SCARA5: variants seen among roughly 807,000 people sequenced by gnomAD.
The protein encoded by SCARA5 is scavenger receptor class A member 5.
A neutral mutation model predicts 46.3 loss-of-function variants in SCARA5; 45 were observed. That is an observed-to-expected ratio of 0.97 (90% CI 0.76 to 1.24). SCARA5 has a LOEUF of 1.24. Among genes scored for constraint, SCARA5 ranks in the 50% most tolerant of loss-of-function variants. The probability of loss-of-function intolerance (pLI) is 0.00; values close to 1 mark genes in which losing one functional copy is unlikely to be tolerated. For synonymous variants in SCARA5, 333 were observed against 306.5 expected, an observed-to-expected ratio of 1.09 and a Z score of -0.90; for missense variants, 680 against 689.0, an observed-to-expected ratio of 0.99 and a Z score of 0.15.
intron 3 of SCARA5, among the ~76,000 whole-genome samples, chr8:27,923,261 C>A (rs1288375849): frequency 6.6e-6 from 1 of 152,222 alleles, no homozygotes; most frequent in South Asian, 2.1e-4. Flanking sequence ...ATTTTCTGGC[C>A]TCCTGAGTTC....
intron 3 of SCARA5, among the ~76,000 whole-genome samples, chr8:27,961,139 C>A (rs1253178428): frequency 3.9e-5 from 6 of 152,156 alleles, no homozygotes; most frequent in Non-Finnish European, 8.8e-5. Flanking sequence ...GTGGTAATAC[C>A]AATGCCAGCA....
rs1338638980 is a variant in SCARA5, at chr8:27,872,061, C to T, written c.1361G>A (p.Arg454Lys). 1.9e-6 allele frequency: 3 copies of T among 1,614,100 alleles called. No individual in the cohort carries two copies. The highest frequency in any genetic ancestry group is 1.3e-5 in the African/African-American group (1 of 74,936). Residue 454 changes from arginine to lysine, a missense_variant, in exon 9 of 9, where the codon AGG (arginine) becomes AAG (lysine). Around this residue, in one of 3 missense-constraint regions of SCARA5, gnomAD observed 219 missense variants for 269.5 expected, o/e 0.81. Coordinates refer to ENST00000354914, the MANE Select transcript of SCARA5 (RefSeq NM_173833.6). ...GCAGGCAACGTCATCCATCCAGATC[C>T]TCCCAGTGCCTGTGGAGACAGGGAA... ...RTARFGQGTG[R>K]IWMDDVACKG... is the part of the protein sequence containing the mutation.
intron 8 of SCARA5, among the ~76,000 whole-genome samples, chr8:27,877,604 CT>C (rs11341393): frequency 0.082 from 12,533 of 152,204 alleles, 1,116 homozygotes; most frequent in African/African-American, 0.23. Context: ...AGGAAGAAGC[CT>C]TCTTCGGAGC....
intron 3 of SCARA5, among the ~76,000 whole-genome samples, chr8:27,950,886 A>AAAAT (rs939184728): frequency 7.2e-5 from 11 of 152,078 alleles, no homozygotes; most frequent in African/African-American, 2.4e-4. Flanking sequence ...TGGGAAAAAA[A>AAAAT]AAAAAAGGTC....
intron 3 of SCARA5, 54 bp from the exon 4 acceptor site, chr8:27,922,299 G>A: frequency 2.2e-6 from 3 of 1,349,332 alleles, no homozygotes; most frequent in East Asian, 2.6e-5. Flanking sequence ...AAGGCCCCGG[G>A]TGACAAGAGG....
At position 27,910,083 on chromosome 8, in the gene SCARA5, G is replaced by T. The variant is rs1807348451; in HGVS notation, c.917-340C>A. The T allele has an allele frequency of 2.4e-5, 5 of 211,576 alleles. No individual in the cohort carries two copies. The South Asian group carries it at 6.5e-4, about 28-fold the overall frequency. The allele number at this position is 211,576 out of a possible 1,614,324, so 13.1% of individuals were successfully genotyped here. A position where few individuals can be genotyped will look rare whatever the true frequency, so the allele number is the denominator to read the frequency against. On this transcript the variant is annotated intron_variant, in intron 4 of 8. Transcript: ENST00000354914. ...ACAGTTTTAAGAGGTGGGGTCTTTG[G>T]GAGGTGATGAGGTTTTGATGAAGTC...
At chr8:27,942,387 G>C (rs1807964987) in intron 3 of SCARA5, among the ~76,000 whole-genome samples, 2 of 152,138 alleles carry the variant, frequency 1.3e-5, no homozygotes, top group Non-Finnish European at 2.9e-5. Flanking sequence ...AAGAGATCCA[G>C]AACGCTGTTC....
intron 2 of SCARA5, among the ~76,000 whole-genome samples, chr8:27,972,755 TAA>T (rs1808466268): frequency 6.6e-6 from 1 of 152,054 alleles, no homozygotes; most frequent in Non-Finnish European, 1.5e-5. Context: ...TCCTAGCTAC[TAA>T]AGAGACTGAG....
At chr8:27,907,348 CTCTTAGCCTCTGTG>C in intron 5 of SCARA5, 102 bp from the exon 6 acceptor site, 1 of 724,054 alleles carries the variant, frequency 1.4e-6, no homozygotes, top group South Asian at 1.9e-5. Context: ...CATGCATCCT[CTCTTAGCCTCTGTG>C]TCTGGCTTTT....
intron 4 of SCARA5, among the ~76,000 whole-genome samples, chr8:27,914,456 C>T (rs987704728): frequency 6.6e-6 from 1 of 152,216 alleles, no homozygotes; most frequent in Non-Finnish European, 1.5e-5. Flanking sequence ...GACCTCTGCC[C>T]ACTCCCTGGG....
At chr8:27,951,966 C>G (rs777316444) in intron 3 of SCARA5, among the ~76,000 whole-genome samples, 15 of 152,034 alleles carry the variant, frequency 9.9e-5, no homozygotes, top group Non-Finnish European at 1.0e-4. Flanking sequence ...GGATAGTGTC[C>G]CCTGCAAACT....
intron 3 of SCARA5, among the ~76,000 whole-genome samples, chr8:27,953,791 T>G (rs893058919): frequency 6.6e-6 from 1 of 152,104 alleles, no homozygotes; most frequent in Non-Finnish European, 1.5e-5. Context: ...TAGAAAAACA[T>G]TGTATGGGAA....
chr8:27,946,631 A>T (rs1166481693), intron 3 of SCARA5, among the ~76,000 whole-genome samples: 1 of 152,182 alleles, frequency 6.6e-6, no homozygotes, highest in Non-Finnish European at 1.5e-5. Context: ...GTAAGAGACA[A>T]CCCAGCCAGC....
intron 7 of SCARA5, among the ~76,000 whole-genome samples, chr8:27,902,577 C>T (rs1404334870): frequency 1.3e-5 from 2 of 152,198 alleles, no homozygotes; most frequent in East Asian, 1.9e-4. Flanking sequence ...CTCTGGCATG[C>T]GGGCAGTGTT....
At chr8:27,893,942 G>A (rs1348265944) in intron 7 of SCARA5, among the ~76,000 whole-genome samples, 1 of 152,224 alleles carries the variant, frequency 6.6e-6, no homozygotes, top group African/African-American at 2.4e-5. Flanking sequence ...TTCCAAGGCT[G>A]GGGTAACCTC....
intron 4 of SCARA5, among the ~76,000 whole-genome samples, chr8:27,920,296 C>A (rs1337396498): frequency 6.6e-6 from 1 of 152,090 alleles, no homozygotes; most frequent in African/African-American, 2.4e-5. Flanking sequence ...CATAGCAAGA[C>A]CTTATCTCTA....
chr8:27,889,956 T>C (rs997127633), intron 7 of SCARA5, among the ~76,000 whole-genome samples: 1 of 152,240 alleles, frequency 6.6e-6, no homozygotes, highest in Non-Finnish European at 1.5e-5. Context: ...TTTATGTATA[T>C]TTTATCAATG....
chr8:27,932,007 C>G, intron 3 of SCARA5, among the ~76,000 whole-genome samples: 1 of 151,980 alleles, frequency 6.6e-6, no homozygotes, highest in Admixed American at 6.6e-5. Context: ...ACGATGGACT[C>G]TCACTCTGTC....
rs143935638 is a variant in SCARA5 at position 27,939,456 on chromosome 8, A to G, written c.242-17211T>C. ...GACTTTTGCATGTCCCCCACCATGG[A>G]CTCTTGTCCTTGCTCTTCCAGGCCA... On this transcript the variant is annotated intron_variant, in intron 3 of 8. Coordinates refer to ENST00000354914, the MANE Select transcript of SCARA5 (RefSeq NM_173833.6). Among the ~76,000 whole-genome samples, 210 of 152,018 alleles carry G rather than the reference A, an allele frequency of 1.4e-3. 1 individual carries two copies. The highest frequency in any genetic ancestry group is 4.9e-3 in the African/African-American group (202 of 41,440).
Sources: allele counts gnomAD v4.1 joint callset (sites outside exome capture counted in the v4.1 genomes callset), GRCh38; gene constraint gnomAD v4.1.1; regional missense constraint gnomAD v4.1.1; transcripts MANE v1.5; gene names NCBI Gene and HGNC (gene_info 2026-07-23, HGNC 2026-07-21).